TOPBP1: variants seen among roughly 807,000 people sequenced by gnomAD.
The protein encoded by TOPBP1 is DNA topoisomerase 2-binding protein 1.
Under a neutral mutation model 167.7 loss-of-function variants are expected in TOPBP1, and 28 were observed. The observed-to-expected ratio is 0.17, with a 90% CI of 0.12 to 0.23. The LOEUF (loss-of-function observed/expected upper bound fraction) is 0.23, where lower values mean the gene tolerates loss of function less well. Ranked by LOEUF, TOPBP1 falls within the 10% of genes least tolerant of loss-of-function variation. TOPBP1 has a pLI of 1.00. For missense variants in TOPBP1, 1,554 were observed against 1,809.6 expected, an observed-to-expected ratio of 0.86 and a Z score of 2.56; for synonymous variants, 598 against 611.4, an observed-to-expected ratio of 0.98 and a Z score of 0.32.
intron 2 of TOPBP1, among the ~76,000 whole-genome samples, chr3:133,660,227 C>A (rs946126674): frequency 6.6e-6 from 1 of 152,136 alleles, no homozygotes; most frequent in Admixed American, 6.5e-5. Flanking sequence ...CTGATCACAC[C>A]CTATTTAAGA....
At chr3:133,661,225 A>G in intron 1 of TOPBP1, 91 bp from the exon 2 acceptor site, 1 of 930,140 alleles carries the variant, frequency 1.1e-6, no homozygotes, top group South Asian at 2.0e-5. Flanking sequence ...TGCAGACAAG[A>G]ATGCCTAAAG....
chr3:133,604,520 A>G (rs1934426259), intron 27 of TOPBP1, among the ~76,000 whole-genome samples: 1 of 151,964 alleles, frequency 6.6e-6, no homozygotes, highest in Admixed American at 6.6e-5. Flanking sequence ...TGAAATGGAT[A>G]TATTATTTGA....
chr3:133,643,902 G>C, intron 11 of TOPBP1, 118 bp downstream of exon 11: 1 of 1,073,386 alleles, frequency 9.3e-7, no homozygotes, highest in Non-Finnish European at 1.3e-6. Context: ...GCAAAATCAA[G>C]AGTGTTCAAG....
intron 6 of TOPBP1, among the ~76,000 whole-genome samples, 167 bp from the exon 7 acceptor site, chr3:133,653,691 G>A (rs1936380166): frequency 6.6e-6 from 1 of 150,772 alleles, no homozygotes; most frequent in African/African-American, 2.4e-5. Context: ...ACAGTGGTGA[G>A]ATCTTGGCTC....
chr3:133,644,001 A>G lies in TOPBP1; in HGVS notation c.1848+19T>C, dbSNP rs762065713. 9 of 1,560,668 alleles carry G rather than the reference A, an allele frequency of 5.8e-6. No individual in the cohort carries two copies. The highest frequency in any genetic ancestry group is 1.4e-5 in the African/African-American group (1 of 72,580). ...AGATATCCTTCGATACTTTATTTCAACCACTAGTGTTGTCTTACCAGCCAT... is the reference window on the plus strand; with the variant it reads ...AGATATCCTTCGATACTTTATTTCAGCCACTAGTGTTGTCTTACCAGCCAT... On this transcript the variant is annotated intron_variant, in intron 11 of 27. Transcript: ENST00000260810.
At position 133,639,965 on chromosome 3, in the gene TOPBP1, T is replaced by C. The variant is rs781565280; in HGVS notation, c.2227A>G (p.Lys743Glu). The change falls in exon 13 of 28, where the codon AAA (lysine) becomes GAA (glutamate). Residue 743 changes from lysine (K) to glutamate (E), a missense_variant. Lys to Glu is a moderately conservative substitution (Grantham distance 56, BLOSUM62 1). Coordinates refer to ENST00000260810, the MANE Select transcript of TOPBP1 (RefSeq NM_007027.4). ...ESHFLIENST[K>E]EERSLETEIT... ...ACAGAATAAAAGTATTAACCTTCTT[T>C]AGTTGAATTTTCAATCAGAAAATGG... is the stretch of plus-strand genomic sequence containing the variant. 2.9e-5 allele frequency: 46 copies of C among 1,613,400 alleles called. 2 individuals carry two copies. In the South Asian group the frequency reaches 4.7e-4, roughly 17 times the overall value.
intron 16 of TOPBP1, 57 bp downstream of exon 16, chr3:133,628,305 A>C: frequency 6.9e-7 from 1 of 1,441,898 alleles, no homozygotes; most frequent in East Asian, 2.4e-5. Context: ...CAATAGCTTT[A>C]GGTTTCCTTA....
chr3:133,601,512 A>G, intron 27 of TOPBP1, 119 bp from the exon 28 acceptor site: 1 of 785,912 alleles, frequency 1.3e-6, no homozygotes, highest in South Asian at 2.1e-5. Flanking sequence ...ACTTAAAGGA[A>G]AACGCATATT....
chr3:133,627,843 G>A (rs1312752116), intron 16 of TOPBP1, among the ~76,000 whole-genome samples: 2 of 146,150 alleles, frequency 1.4e-5, no homozygotes, highest in Non-Finnish European at 3.0e-5. Flanking sequence ...GTTGACTGAA[G>A]AAAAATCTGA....
Position 133,618,193 on chromosome 3 carries a change from A to C in TOPBP1, c.3592+20T>G, listed in dbSNP as rs1270042147. ...ACATGTACTTAATACAAACAAATGCAAAGATTTCTTTCTTGTTACCCTGTT... is the reference window on the plus strand; with the variant it reads ...ACATGTACTTAATACAAACAAATGCCAAGATTTCTTTCTTGTTACCCTGTT... On this transcript the variant is annotated intron_variant, in intron 21 of 27. Coordinates refer to ENST00000260810, the MANE Select transcript of TOPBP1 (RefSeq NM_007027.4). 1 of 1,588,808 alleles carries C rather than the reference A, an allele frequency of 6.3e-7. No homozygotes were observed. The highest frequency in any genetic ancestry group is 1.7e-5 in the Admixed American group (1 of 59,836).
At chr3:133,608,772 A>T in intron 26 of TOPBP1, 76 bp from the exon 27 acceptor site, 1 of 1,571,468 alleles carries the variant, frequency 6.4e-7, no homozygotes. Flanking sequence ...GTACTTAAGG[A>T]TTACCATTTC....
At chr3:133,656,621 A>G (rs1936485356) in intron 5 of TOPBP1, 55 bp downstream of exon 5, 2 of 1,514,058 alleles carry the variant, frequency 1.3e-6, no homozygotes, top group Non-Finnish European at 1.8e-6. Flanking sequence ...CATGCCAAAA[A>G]TGATTGAATG....
intron 23 of TOPBP1, 149 bp downstream of exon 23, chr3:133,616,665 A>G: frequency 2.3e-6 from 1 of 444,050 alleles, no homozygotes. Flanking sequence ...CAAAGTTCCA[A>G]TGCTGACTCA....
intron 27 of TOPBP1, among the ~76,000 whole-genome samples, chr3:133,607,800 A>C (rs1157343281): frequency 1.3e-5 from 2 of 152,340 alleles, no homozygotes; most frequent in East Asian, 3.9e-4. Flanking sequence ...ACCTTAGATA[A>C]AATCGTGGAT....
chr3:133,641,084 T>C (rs1426981288), intron 12 of TOPBP1, among the ~76,000 whole-genome samples: 1 of 152,200 alleles, frequency 6.6e-6, no homozygotes, highest in Non-Finnish European at 1.5e-5. Flanking sequence ...CTAGCACTTT[T>C]TTTTTCTATG....
intron 4 of TOPBP1, among the ~76,000 whole-genome samples, chr3:133,657,286 G>A (rs1237860384): frequency 6.6e-6 from 1 of 151,696 alleles, no homozygotes; most frequent in African/African-American, 2.4e-5. Context: ...CAAGGTTGCA[G>A]TGAGTTGTGA....
chr3:133,652,570 A>T lies in TOPBP1; in HGVS notation c.982T>A (p.Ser328Thr), dbSNP rs755687513. 6.2e-7 allele frequency: 1 copy of T among 1,611,994 alleles called. No homozygotes were observed. The highest frequency in any genetic ancestry group is 1.7e-5 in the Admixed American group (1 of 59,916). Residue 328 changes from serine to threonine, a missense_variant, in exon 8 of 28, where the codon TCA becomes ACA. Transcript: ENST00000260810. ...SNINASCVSE[S>T]ICNSLNSKLE... The stretch of plus-strand genomic sequence containing the variant: ...TTGCTGTTAAGTGAATTACATATTG[A>T]TTCACTTACGCAACTTGCATTTATG...
chr3:133,653,518 T>C lies in TOPBP1; in HGVS notation c.749A>G (p.Lys250Arg). Residue 250 changes from lysine (K) to arginine (R), a missense_variant, in exon 7 of 28, where the codon AAG becomes AGG. Physicochemically the swap from Lys to Arg is conservative, Grantham distance 26. This residue lies in a region of TOPBP1 where 1,197 missense variants were observed against 1,351.5 expected (regional missense o/e 0.89). Coordinates refer to ENST00000260810, the MANE Select transcript of TOPBP1 (RefSeq NM_007027.4). ...HLIVQEPKGQ[K>R]YECAKRWNVH... ...ATTCCATCTCTTGGCACACTCATAC[T>C]TCTGACCTGTGGCGTTCATTAAGAA... 6.4e-7 allele frequency: 1 copy of C among 1,568,270 alleles called. No homozygotes were observed. Among genetic ancestry groups the C allele is most frequent in the African/African-American group, 1.4e-5 (1 of 72,386 alleles).
rs764018130 is a variant in TOPBP1 at position 133,655,516 on chromosome 3, A to C, written c.546-30T>G. 4 of 1,212,622 alleles carry C rather than the reference A, an allele frequency of 3.3e-6. No individual in the cohort carries two copies. The African/African-American group carries it at 6.2e-5, about 19-fold the overall frequency. The allele number at this position is 1,212,622 out of a possible 1,614,324, so 75.1% of individuals were successfully genotyped here. A position where few individuals can be genotyped will look rare whatever the true frequency, so the allele number is the denominator to read the frequency against. The stretch of plus-strand genomic sequence containing the variant: ...GGGAATCAAATGGTTAAAAAAGAAC[A>C]TATTAAATTTACCAGAAGAATAATG... On this transcript the variant is annotated intron_variant, in intron 5 of 27. Coordinates refer to ENST00000260810, the MANE Select transcript of TOPBP1 (RefSeq NM_007027.4).
Sources: gnomAD v4.1 joint callset for allele counts (sites outside exome capture counted in the v4.1 genomes callset) on GRCh38, gnomAD v4.1.1 for gene constraint, gnomAD v4.1.1 regional missense constraint, MANE v1.5 for transcripts, NCBI Gene and HGNC (gene_info 2026-07-23, HGNC 2026-07-21) for gene names.